GRIA1: variants seen among roughly 807,000 people sequenced by gnomAD.
The protein encoded by GRIA1 is glutamate ionotropic receptor AMPA type subunit 1, also known as glutamate receptor 1.
Under a neutral mutation model 99.2 loss-of-function variants are expected in GRIA1, and 31 were observed. The ratio of observed to expected loss-of-function variants is 0.31; its 90% CI spans 0.23 to 0.42. The LOEUF (loss-of-function observed/expected upper bound fraction) is 0.42, where lower values mean the gene tolerates loss of function less well. GRIA1 is among the 10% of genes least tolerant of loss of function. GRIA1 has a pLI of 1.00. For synonymous variants in GRIA1, 438 were observed against 432.4 expected (o/e 1.01, Z -0.16); for missense variants, 782 against 1,157.5 (o/e 0.68, Z 4.71).
intron 5 of GRIA1, among the ~76,000 whole-genome samples, chr5:153,660,328 T>A (rs984674785): frequency 5.9e-5 from 9 of 152,198 alleles, no homozygotes; most frequent in African/African-American, 2.2e-4. Flanking sequence ...AACACTTAAA[T>A]GCATGTCAAT....
chr5:153,713,168 C>T (rs569484433), intron 11 of GRIA1, among the ~76,000 whole-genome samples: 152 of 152,324 alleles, frequency 1.0e-3, no homozygotes, highest in South Asian at 1.7e-3. Flanking sequence ...GCTGGGTGAG[C>T]GAGGCCCTTG....
At chr5:153,629,748 G>A (rs78613534) in intron 2 of GRIA1, among the ~76,000 whole-genome samples, 8,389 of 152,280 alleles carry the variant, frequency 0.055, 258 homozygotes, top group African/African-American at 0.073. Flanking sequence ...TTAAGGGATT[G>A]CCCTTCCCTC....
chr5:153,680,546 G>C (rs1216187661), intron 7 of GRIA1, among the ~76,000 whole-genome samples: 2 of 152,150 alleles, frequency 1.3e-5, no homozygotes, highest in Non-Finnish European at 2.9e-5. Context: ...CAGGAGTAGA[G>C]AGAACATACA....
intron 13 of GRIA1, 22 bp from the exon 14 acceptor site, chr5:153,794,597 AGT>A: frequency 1.4e-6 from 2 of 1,437,468 alleles, no homozygotes; most frequent in Non-Finnish European, 9.8e-7. Flanking sequence ...TTACTCATCG[AGT>A]GTTATTTATT....
chr5:153,795,608 G>GGTGTGCGTGACCTCTGT, intron 14 of GRIA1: 1 of 1,415,508 alleles, frequency 7.1e-7, no homozygotes, highest in Non-Finnish European at 1.0e-6. Context: ...ACCGGCTACA[G>GGTGTGCGTGACCTCTGT]AGGTCACGCA....
intron 2 of GRIA1, among the ~76,000 whole-genome samples, chr5:153,574,035 C>T (rs1467933287): frequency 6.6e-6 from 1 of 152,164 alleles, no homozygotes; most frequent in African/African-American, 2.4e-5. Context: ...AAAATAAAAA[C>T]ATTCAAGAAC....
At chr5:153,738,950 G>C (rs1014407534) in intron 11 of GRIA1, among the ~76,000 whole-genome samples, 1 of 151,736 alleles carries the variant, frequency 6.6e-6, no homozygotes, top group African/African-American at 2.4e-5. Flanking sequence ...TCGAACTCCC[G>C]ACCTCAGGTG....
intron 2 of GRIA1, among the ~76,000 whole-genome samples, chr5:153,534,171 CCTTTTTT>C (rs1361859208): frequency 1.3e-5 from 2 of 152,216 alleles, no homozygotes; most frequent in African/African-American, 4.8e-5. Flanking sequence ...AGAAAACACT[CCTTTTTT>C]CTTTTTTCTG....
intron 2 of GRIA1, among the ~76,000 whole-genome samples, chr5:153,608,175 TAC>T (rs1337599570): frequency 1.3e-5 from 2 of 152,216 alleles, no homozygotes; most frequent in African/African-American, 4.8e-5. Context: ...CACTTCCAGG[TAC>T]AGAGTTACTG....
chr5:153,771,556 G>T (rs1012177170), intron 13 of GRIA1, among the ~76,000 whole-genome samples: 7 of 152,156 alleles, frequency 4.6e-5, no homozygotes, highest in Non-Finnish European at 8.8e-5. Flanking sequence ...AGACATTAAA[G>T]AAATAATTAA....
At chr5:153,669,881 C>A (rs892854254) in intron 5 of GRIA1, among the ~76,000 whole-genome samples, 1 of 152,144 alleles carries the variant, frequency 6.6e-6, no homozygotes, top group Non-Finnish European at 1.5e-5. Flanking sequence ...CCCAACATCC[C>A]CTTCTCAATG....
intron 11 of GRIA1, among the ~76,000 whole-genome samples, chr5:153,724,513 A>T (rs925100317): frequency 7.2e-5 from 11 of 152,210 alleles, no homozygotes; most frequent in Non-Finnish European, 1.0e-4. Flanking sequence ...AATTTAGATG[A>T]ATGTATAACT....
At chr5:153,715,710 C>T (rs1395899494) in intron 11 of GRIA1, among the ~76,000 whole-genome samples, 1 of 152,144 alleles carries the variant, frequency 6.6e-6, no homozygotes, top group African/African-American at 2.4e-5. Flanking sequence ...CTTAAATCTT[C>T]AACCCTGCAC....
chr5:153,806,332 C>T (rs191834293), intron 15 of GRIA1, among the ~76,000 whole-genome samples: 59 of 152,200 alleles, frequency 3.9e-4, no homozygotes, highest in Non-Finnish European at 5.7e-4. Flanking sequence ...GTGGTGCAAT[C>T]TCGGCTCACT....
At chr5:153,778,050 G>A (rs1482812824) in intron 13 of GRIA1, among the ~76,000 whole-genome samples, 2 of 152,134 alleles carry the variant, frequency 1.3e-5, no homozygotes, top group Non-Finnish European at 2.9e-5. Flanking sequence ...CCTCAGAAGA[G>A]CTGGAGAGAA....
intron 11 of GRIA1, among the ~76,000 whole-genome samples, chr5:153,714,539 C>T (rs941678953): frequency 5.3e-5 from 8 of 152,172 alleles, no homozygotes; most frequent in Admixed American, 5.2e-4. Context: ...GCTACATCTT[C>T]GTAGGTTCTG....
At chr5:153,541,806 T>A (rs1220020719) in intron 2 of GRIA1, among the ~76,000 whole-genome samples, 1 of 151,740 alleles carries the variant, frequency 6.6e-6, no homozygotes, top group Admixed American at 6.6e-5. Context: ...GGCCCACACC[T>A]GTAGTCTCAG....
At chr5:153,760,937 G>T (rs988288879) in intron 11 of GRIA1, among the ~76,000 whole-genome samples, 2 of 152,104 alleles carry the variant, frequency 1.3e-5, no homozygotes, top group Non-Finnish European at 2.9e-5. Flanking sequence ...GGAAGGGATA[G>T]TCTCTTCAAT....
chr5:153,596,697 G>C (rs1306696939), intron 2 of GRIA1, among the ~76,000 whole-genome samples: 1 of 152,070 alleles, frequency 6.6e-6, no homozygotes, highest in Non-Finnish European at 1.5e-5. Context: ...TCAGTGTTGT[G>C]GTTTGTTAGG....
Sources: gnomAD v4.1 joint callset for allele counts (sites outside exome capture counted in the v4.1 genomes callset) on GRCh38, gnomAD v4.1.1 for gene constraint, MANE v1.5 for transcripts, NCBI Gene and HGNC (gene_info 2026-07-23, HGNC 2026-07-21) for gene names.